UIMC1: variants seen among roughly 807,000 people sequenced by gnomAD.
UIMC1 encodes BRCA1-A complex subunit RAP80.
In UIMC1, 42 loss-of-function variants were observed where a neutral mutation model predicts 84.9. That is an observed-to-expected ratio of 0.49 (90% CI 0.39 to 0.64). The LOEUF (loss-of-function observed/expected upper bound fraction) is 0.64. Among genes scored for constraint, UIMC1 ranks in the 30% least tolerant of loss-of-function variants. UIMC1 has a pLI of 0.00. For synonymous variants in UIMC1, 281 were observed against 293.0 expected, an observed-to-expected ratio of 0.96 and a Z score of 0.42; for missense variants, 825 against 847.6, an observed-to-expected ratio of 0.97 and a Z score of 0.33.
chr5:176,933,349 T>C (rs193075277), intron 10 of UIMC1, among the ~76,000 whole-genome samples: 34 of 152,280 alleles, frequency 2.2e-4, no homozygotes, highest in African/African-American at 5.8e-4. Flanking sequence ...TACAATGAAA[T>C]GCCATTGGTT....
intron 1 of UIMC1, among the ~76,000 whole-genome samples, chr5:177,000,563 C>A (rs1161432139): frequency 1.4e-5 from 2 of 145,058 alleles, no homozygotes; most frequent in Non-Finnish European, 3.0e-5. Context: ...TGCAATGGCA[C>A]AATCTCGGCT....
chr5:176,968,943 C>A lies in UIMC1; in HGVS notation c.812G>T (p.Gly271Val), dbSNP rs761160432. The change falls in exon 6 of 15, where the codon GGG becomes GTG. Residue 271 changes from glycine (G) to valine (V), a missense_variant. By Grantham distance (109) the Gly-to-Val change is moderately radical (BLOSUM62 -3). Transcript: ENST00000511320. ...LADAKGLQDT[G>V]GTVNYFWGIP... ...ACCCCAGAAATAGTTCACAGTGCCC[C>A]CAGTGTCCTGGAGACCTTTGGCATC... 6 of 1,614,178 alleles carry A rather than the reference C, an allele frequency of 3.7e-6. No individual in the cohort carries two copies. Among genetic ancestry groups the A allele is most frequent in the Non-Finnish European group, 4.2e-6 (5 of 1,180,038 alleles).
chr5:176,905,469 T>TC lies in UIMC1; in HGVS notation c.1972dup (p.Glu658GlyfsTer16), dbSNP rs777046883. 1.2e-6 allele frequency: 2 copies of TC among 1,614,078 alleles called. No individual in the cohort carries two copies. Among genetic ancestry groups the TC allele is most frequent in the Non-Finnish European group, 1.7e-6 (2 of 1,179,984 alleles). ...CTGCATCTCTCTGCTGCAGCCTGCC[T>TC]CTTCCATCCCTGGTGAAGGCACCCT... On this transcript the variant is annotated frameshift_variant, in exon 15 of 15. Coordinates refer to ENST00000511320, the MANE Select transcript of UIMC1 (RefSeq NM_001199298.2). LOFTEE classifies it high-confidence loss of function.
chr5:176,966,187 C>A (rs955792920), intron 6 of UIMC1, among the ~76,000 whole-genome samples: 1 of 152,214 alleles, frequency 6.6e-6, no homozygotes, highest in East Asian at 1.9e-4. Flanking sequence ...CAGTGAATGA[C>A]CTTTGATCCC....
chr5:176,917,346 CG>C (rs1761125396), intron 10 of UIMC1, among the ~76,000 whole-genome samples: 1 of 151,860 alleles, frequency 6.6e-6, no homozygotes. Flanking sequence ...CCAAGGCAGG[CG>C]GATCACTTGG....
rs781024120 is a variant in UIMC1 at position 176,982,504 on chromosome 5, C to G, written c.112G>C (p.Asp38His). The change falls in exon 2 of 15, where the codon GAT becomes CAT. Residue 38 changes from aspartate to histidine, a missense_variant. Asp to His is a moderately conservative substitution (Grantham distance 81, BLOSUM62 -1). Transcript: ENST00000511320. ...VSVKRKRRLE[D>H]AFIVISDSDG... ...CTATCGGATATCACAATGAATGCAT[C>G]CTCAAGTCTACGCTTCCTCTTCACA... 7.4e-6 allele frequency: 12 copies of G among 1,614,018 alleles called. 1 individual carries two copies. The South Asian group carries it at 1.2e-4, about 16-fold the overall frequency.
chr5:176,941,199 T>C (rs939177613), intron 10 of UIMC1, among the ~76,000 whole-genome samples: 1 of 152,224 alleles, frequency 6.6e-6, no homozygotes, highest in East Asian at 1.9e-4. Context: ...ATAAATAACT[T>C]TGTGACATGA....
chr5:176,912,426 T>C (rs1760337604), intron 10 of UIMC1, among the ~76,000 whole-genome samples: 1 of 152,096 alleles, frequency 6.6e-6, no homozygotes, highest in Non-Finnish European at 1.5e-5. Context: ...TGAAAATGCC[T>C]TCTATAAACA....
In UIMC1 at chr5:176,911,311, TTGTCAA is replaced by T; in HGVS notation, c.1670_1675del (p.Ile557_Asp558del). The T allele has an allele frequency of 6.3e-7, 1 of 1,594,512 alleles. No homozygotes were observed. The highest frequency in any genetic ancestry group is 8.5e-7 in the Non-Finnish European group (1 of 1,169,642). On this transcript the variant is annotated inframe_deletion and splice_region_variant, in exon 11 of 15. Coordinates refer to ENST00000511320, the MANE Select transcript of UIMC1 (RefSeq NM_001199298.2). The stretch of plus-strand genomic sequence containing the variant: ...CCGTGAATGCAGCATACCTACTTAC[TTGTCAA>T]TGTCTAGAGAAGTCTGGGCAGCTGT...
At chr5:177,002,447 T>C (rs780150364) in intron 1 of UIMC1, among the ~76,000 whole-genome samples, 4 of 152,308 alleles carry the variant, frequency 2.6e-5, no homozygotes, top group Non-Finnish European at 4.4e-5. Context: ...CATTGAACTG[T>C]ACAATTAAGA....
intron 2 of UIMC1, among the ~76,000 whole-genome samples, chr5:176,981,151 T>G (rs1189312613): frequency 6.7e-6 from 1 of 150,222 alleles, no homozygotes; most frequent in East Asian, 1.9e-4. Context: ...TTGGTTTTTT[T>G]TTTTTTTTTT....
rs554365649 is a variant in UIMC1 at position 176,944,093 on chromosome 5, T to TTA, written c.1444-607_1444-606dup. 7.9e-5 allele frequency among the ~76,000 whole-genome samples: 12 copies of TTA among 152,330 alleles called. No individual in the cohort carries two copies. The East Asian group carries it at 2.3e-3, about 29-fold the overall frequency. Reference sequence around the variant, plus strand: ...AGGACTGTTATTACTGTAAGTGACTTTAAGACATAAGGAGTTAGAAAACAA... The same window carrying TTA: ...AGGACTGTTATTACTGTAAGTGACTTTATAAGACATAAGGAGTTAGAAAACAA... On this transcript the variant is annotated intron_variant, in intron 9 of 14. Coordinates refer to ENST00000511320, the MANE Select transcript of UIMC1 (RefSeq NM_001199298.2).
intron 9 of UIMC1, among the ~76,000 whole-genome samples, chr5:176,944,158 T>C (rs1259139471): frequency 1.5e-4 from 22 of 151,596 alleles, no homozygotes; most frequent in Admixed American, 1.4e-3. Flanking sequence ...AGGATTTAAG[T>C]TAAGAACATA....
chr5:176,952,289 A>G (rs1167674680), intron 8 of UIMC1, among the ~76,000 whole-genome samples: 1 of 152,250 alleles, frequency 6.6e-6, no homozygotes. Context: ...TAGAATATAC[A>G]TTCTAGACAA....
intron 1 of UIMC1, among the ~76,000 whole-genome samples, chr5:177,003,983 C>T (rs1159518639): frequency 6.6e-6 from 1 of 152,270 alleles, no homozygotes; most frequent in African/African-American, 2.4e-5. Flanking sequence ...CATGTGCCAA[C>T]AAGCCCAGCT....
At chr5:176,969,328 AC>A in intron 5 of UIMC1, 37 bp from the exon 6 acceptor site, 1 of 1,557,412 alleles carries the variant, frequency 6.4e-7, no homozygotes, top group Non-Finnish European at 8.6e-7. Context: ...CTAAGGACAA[AC>A]TTTTTTATTA....
chr5:176,948,743 A>C (rs890104750), intron 9 of UIMC1, among the ~76,000 whole-genome samples: 2 of 152,236 alleles, frequency 1.3e-5, no homozygotes, highest in Non-Finnish European at 2.9e-5. Flanking sequence ...CACAACATTC[A>C]AAACATGGTG....
At chr5:177,008,398 A>G (rs571827403), upstream of UIMC1, among the ~76,000 whole-genome samples, 44 of 152,198 alleles carry the variant, frequency 2.9e-4, no homozygotes, top group African/African-American at 1.1e-3. Flanking sequence ...TCTTTGCTCT[A>G]TGAGTCTATA....
chr5:176,923,248 T>C (rs955734204), intron 10 of UIMC1, among the ~76,000 whole-genome samples: 3 of 152,216 alleles, frequency 2.0e-5, no homozygotes, highest in Admixed American at 6.5e-5. Flanking sequence ...GACCCAATGG[T>C]ATGCTGTCTA....
Sources: allele counts gnomAD v4.1 joint callset (sites outside exome capture counted in the v4.1 genomes callset), GRCh38; gene constraint gnomAD v4.1.1; transcripts MANE v1.5; gene names NCBI Gene and HGNC (gene_info 2026-07-23, HGNC 2026-07-21).